Variants in CPSF6 observed in about 807,000 individuals in gnomAD.
CPSF6 encodes the protein cleavage and polyadenylation specific factor 6.
In CPSF6, 10 loss-of-function variants were observed where a neutral mutation model predicts 56.7. The observed-to-expected ratio is 0.18, with a 90% CI of 0.11 to 0.30. CPSF6 has a LOEUF of 0.30. CPSF6 is among the 10% of genes least tolerant of loss of function. CPSF6 has a pLI of 1.00. For synonymous variants in CPSF6, 248 were observed against 244.8 expected (o/e 1.01, Z -0.12); for missense variants, 419 against 722.9 (o/e 0.58, Z 4.82).
intron 1 of CPSF6, among the ~76,000 whole-genome samples, chr12:69,249,286 TAAA>T: frequency 1.5e-5 from 2 of 137,320 alleles, no homozygotes; most frequent in African/African-American, 6.7e-5. Context: ...AATAAATAAA[TAAA>T]AATTAAAATT....
In CPSF6 at chr12:69,258,235, A is replaced by G; in HGVS notation, c.694+330A>G. Reference sequence around the variant, plus strand: ...TACCTCTTAAAAAAATCCTTTCAAGATCATTTTTCCTTGTTTCACTTTCTA... The same window carrying G: ...TACCTCTTAAAAAAATCCTTTCAAGGTCATTTTTCCTTGTTTCACTTTCTA... On this transcript the variant is annotated intron_variant, in intron 5 of 9. Coordinates refer to ENST00000435070, the MANE Select transcript of CPSF6 (RefSeq NM_007007.3). This position sits in a 1 kb window ranked among gnomAD's most constrained non-coding sequence, Gnocchi z 4.2. 1 of 796,604 alleles carries G rather than the reference A, an allele frequency of 1.3e-6. No individual in the cohort carries two copies. 49.3% of individuals were successfully genotyped at this position (796,604 alleles called of 1,614,324 possible). A position where few individuals can be genotyped will look rare whatever the true frequency, so the allele number is the denominator to read the frequency against.
At chr12:69,253,852 G>T (rs1872372104) in intron 3 of CPSF6, among the ~76,000 whole-genome samples, 2 of 151,890 alleles carry the variant, frequency 1.3e-5, no homozygotes, top group Admixed American at 1.3e-4. Flanking sequence ...TTCCACTTTT[G>T]CCTATTGTAA....
At position 69,270,873 on chromosome 12, in the gene CPSF6, A is replaced by G. The variant is rs1873208825; in HGVS notation, c.*1365A>G. On this transcript the variant is annotated 3_prime_UTR_variant, in exon 10 of 10. Coordinates refer to ENST00000435070, the MANE Select transcript of CPSF6 (RefSeq NM_007007.3). ...CACTACTTCAGAAATTTGACTTAAA[A>G]TTCTTGAGCACGTTAATATGTTTTT... The G allele has an allele frequency of 6.6e-6, 1 of 151,774 alleles. No individual in the cohort carries two copies. Among genetic ancestry groups the G allele is most frequent in the East Asian group, 1.9e-4 (1 of 5,196 alleles). The allele number at this position is 151,774 out of a possible 1,614,324, so 9.4% of individuals were successfully genotyped here. A position where few individuals can be genotyped will look rare whatever the true frequency, so the allele number is the denominator to read the frequency against.
At chr12:69,259,983 G>T in intron 7 of CPSF6, 61 bp from the exon 8 acceptor site, 1 of 1,583,132 alleles carries the variant, frequency 6.3e-7, no homozygotes, top group Non-Finnish European at 8.6e-7. Flanking sequence ...ATCCCAAGTG[G>T]TTTGATGGTG....
At chr12:69,262,312 A>G (rs1872775712) in intron 8 of CPSF6, 61 bp from the exon 9 acceptor site, 3 of 1,441,210 alleles carry the variant, frequency 2.1e-6, no homozygotes, top group South Asian at 3.5e-5. Context: ...ACATCAAAAA[A>G]TTGAATATTT....
intron 4 of CPSF6, among the ~76,000 whole-genome samples, chr12:69,257,456 A>C (rs1485033298): frequency 1.3e-5 from 2 of 152,222 alleles, no homozygotes; most frequent in Admixed American, 1.3e-4. Context: ...TATCTGTTGA[A>C]GAATTTCGGT....
At chr12:69,250,703 A>G (rs897004913) in intron 1 of CPSF6, among the ~76,000 whole-genome samples, 2 of 151,036 alleles carry the variant, frequency 1.3e-5, no homozygotes, top group African/African-American at 4.9e-5. Context: ...CTGGAGTGCA[A>G]TGGCACGATC....
At chr12:69,246,520 A>T (rs1871917991) in intron 1 of CPSF6, among the ~76,000 whole-genome samples, 2 of 152,176 alleles carry the variant, frequency 1.3e-5, no homozygotes, top group South Asian at 4.1e-4. Flanking sequence ...CAAATTCCTT[A>T]CCATTATATA....
intron 1 of CPSF6, among the ~76,000 whole-genome samples, chr12:69,240,100 T>C (rs1336767936): frequency 2.0e-5 from 3 of 150,664 alleles, no homozygotes; most frequent in Admixed American, 2.0e-4. Context: ...CCCCCGTCGC[T>C]GGTCGGAGGA....
chr12:69,243,172 G>T (rs1455567546), intron 1 of CPSF6, among the ~76,000 whole-genome samples: 3 of 152,172 alleles, frequency 2.0e-5, no homozygotes, highest in African/African-American at 7.2e-5. Flanking sequence ...CAAAGTTTAG[G>T]TAGTCTCTAC....
intron 1 of CPSF6, among the ~76,000 whole-genome samples, chr12:69,249,158 G>GT (rs1436024280): frequency 1.5e-5 from 1 of 68,634 alleles, no homozygotes; most frequent in Non-Finnish European, 2.9e-5. Context: ...TACTCGGGGG[G>GT]GGGGGGGGGG....
In CPSF6 at chr12:69,256,858, AG is replaced by A. The variant is rs1565647195; in HGVS notation, c.520+18del. The A allele has an allele frequency of 6.3e-7, 1 of 1,584,338 alleles. No individual in the cohort carries two copies. The highest frequency in any genetic ancestry group is 1.4e-5 in the African/African-American group (1 of 73,226). On this transcript the variant is annotated intron_variant, in intron 4 of 9. Coordinates refer to ENST00000435070, the MANE Select transcript of CPSF6 (RefSeq NM_007007.3). ...TCCAGGAAAAGTAAGCAGTCCTCAG[AG>A]GCTTTTATTAAAATATGTACATTTT... is the stretch of plus-strand genomic sequence containing the variant.
In CPSF6 at chr12:69,272,441, A is replaced by G. The variant is rs1873288730; in HGVS notation, c.*2933A>G. 1 of 151,688 alleles carries G rather than the reference A, an allele frequency of 6.6e-6. No homozygotes were observed. Among genetic ancestry groups the G allele is most frequent in the African/African-American group, 2.4e-5 (1 of 41,422 alleles). 9.4% of individuals were successfully genotyped at this position (151,688 alleles called of 1,614,324 possible). On this transcript the variant is annotated 3_prime_UTR_variant, in exon 10 of 10. Coordinates refer to ENST00000435070, the MANE Select transcript of CPSF6 (RefSeq NM_007007.3). Reference sequence around the variant, plus strand: ...AGTGAAGGAAAATTGTGGAAAGGGCAAAGACTTTCTCTTTCCCTTATGTAT... The same window carrying G: ...AGTGAAGGAAAATTGTGGAAAGGGCGAAGACTTTCTCTTTCCCTTATGTAT...
At chr12:69,248,889 T>C (rs957329661) in intron 1 of CPSF6, among the ~76,000 whole-genome samples, 1 of 152,084 alleles carries the variant, frequency 6.6e-6, no homozygotes, top group Non-Finnish European at 1.5e-5. Context: ...TTACTTGAGG[T>C]CCCTTTATTT....
chr12:69,270,100 G>C lies in CPSF6; in HGVS notation c.*592G>C, dbSNP rs183535815. The C allele has an allele frequency of 3.9e-5, 6 of 152,286 alleles. No homozygotes were observed. In the East Asian group the frequency reaches 9.6e-4, roughly 24 times the overall value. 9.4% of individuals were successfully genotyped at this position (152,286 alleles called of 1,614,324 possible). A position where few individuals can be genotyped will look rare whatever the true frequency, so the allele number is the denominator to read the frequency against. ...ATGCCTCAATCTAATCTTGCGTTCA[G>C]TGAATTAAACATAGTAATTAAGTGT... is the stretch of plus-strand genomic sequence containing the variant. On this transcript the variant is annotated 3_prime_UTR_variant, in exon 10 of 10. Coordinates refer to ENST00000435070, the MANE Select transcript of CPSF6 (RefSeq NM_007007.3).
rs1461342146 is a variant in CPSF6, at chr12:69,252,998, A to G, written c.271-53A>G. 3.3e-5 allele frequency: 34 copies of G among 1,024,808 alleles called. No homozygotes were observed. In the Admixed American group the frequency reaches 9.0e-4, roughly 27 times the overall value. 63.5% of individuals were successfully genotyped at this position (1,024,808 alleles called of 1,614,324 possible). A position where few individuals can be genotyped will look rare whatever the true frequency, so the allele number is the denominator to read the frequency against. ...TCCCCTTAAAAACTAGACTGGGATAATAAAAATCTTGGTTTTATTTTAATG... is the reference window on the plus strand; with the variant it reads ...TCCCCTTAAAAACTAGACTGGGATAGTAAAAATCTTGGTTTTATTTTAATG... On this transcript the variant is annotated intron_variant, in intron 2 of 9. Coordinates refer to ENST00000435070, the MANE Select transcript of CPSF6 (RefSeq NM_007007.3).
intron 1 of CPSF6, among the ~76,000 whole-genome samples, chr12:69,245,180 G>A (rs767496446): frequency 1.7e-4 from 26 of 151,262 alleles, no homozygotes; most frequent in Non-Finnish European, 3.2e-4. Context: ...TTATTGTCAA[G>A]TATTGTGTAC....
At chr12:69,246,876 C>T (rs116599478) in intron 1 of CPSF6, among the ~76,000 whole-genome samples, 53 of 152,258 alleles carry the variant, frequency 3.5e-4, no homozygotes, top group African/African-American at 1.2e-3. Context: ...GTTGCCCAGG[C>T]TGGTCTTAGA....
chr12:69,241,440 G>C (rs888416482), intron 1 of CPSF6, among the ~76,000 whole-genome samples: 5 of 152,168 alleles, frequency 3.3e-5, no homozygotes, highest in African/African-American at 1.2e-4. Flanking sequence ...GTTCAAGACT[G>C]CCTTTATTAG....
Sources: allele counts gnomAD v4.1 joint callset (sites outside exome capture counted in the v4.1 genomes callset), GRCh38; gene constraint gnomAD v4.1.1; non-coding constraint Gnocchi (gnomAD v3.1); transcripts MANE v1.5; gene names NCBI Gene and HGNC (gene_info 2026-07-23, HGNC 2026-07-21).